The following SIPA1L2 variants were observed in gnomAD, a reference collection of about 807,000 sequenced individuals.
The protein encoded by SIPA1L2 is signal-induced proliferation-associated 1-like protein 2.
Under a neutral mutation model 163.9 loss-of-function variants are expected in SIPA1L2, and 56 were observed. The observed-to-expected ratio is 0.34, with a 90% CI of 0.28 to 0.43. The LOEUF is 0.43. SIPA1L2 is among the 20% of genes least tolerant of loss of function. The pLI is 1.00. For missense variants in SIPA1L2, 1,974 were observed against 2,193.5 expected, an observed-to-expected ratio of 0.90 and a Z score of 2.00; for synonymous variants, 877 against 865.7, an observed-to-expected ratio of 1.01 and a Z score of -0.23.
In SIPA1L2 at chr1:232,461,418, T is replaced by C. The variant is rs574070882; in HGVS notation, c.2821-257A>G. Among the ~76,000 whole-genome samples the C allele has an allele frequency of 9.9e-4, 151 of 152,362 alleles. 1 individual carries two copies. In the Middle Eastern group the frequency reaches 0.014, roughly 14 times the overall value. On this transcript the variant is annotated intron_variant, in intron 9 of 22. Coordinates refer to ENST00000674635, the MANE Select transcript of SIPA1L2 (RefSeq NM_020808.5). ...GCAAAGCAATGGTTTCATTCTTCAT[T>C]CTAAGTCATATCTGTTCTTGATACA...
Position 232,557,808 on chromosome 1 carries a change from C to T in SIPA1L2, c.-270+16366G>A, listed in dbSNP as rs147466226. Among the ~76,000 whole-genome samples the T allele has an allele frequency of 2.5e-3, 386 of 152,286 alleles. 3 individuals are homozygous for T. Among genetic ancestry groups the T allele is most frequent in the Non-Finnish European group, 4.4e-3 (301 of 68,018 alleles). On this transcript the variant is annotated intron_variant, in intron 2 of 22. Transcript: ENST00000674635. The stretch of plus-strand genomic sequence containing the variant: ...AACAAGATGCCTGGCACAGTGAAGA[C>T]ACAAAAGATTGTCAGCTAAATGAAA...
At chr1:232,449,240 C>T (rs549095709) in intron 10 of SIPA1L2, among the ~76,000 whole-genome samples, 16 of 152,140 alleles carry the variant, frequency 1.1e-4, no homozygotes, top group South Asian at 8.3e-4. Flanking sequence ...GAAAACTGGC[C>T]GGGCGCGGTG....
intron 1 of SIPA1L2, among the ~76,000 whole-genome samples, chr1:232,585,626 G>C (rs983528731): frequency 1.3e-5 from 2 of 152,124 alleles, no homozygotes; most frequent in African/African-American, 2.4e-5. Context: ...CATGTAAAAG[G>C]GTAAAGTAGA....
At chr1:232,578,359 G>A (rs1426464755) in intron 1 of SIPA1L2, among the ~76,000 whole-genome samples, 1 of 151,960 alleles carries the variant, frequency 6.6e-6, no homozygotes, top group African/African-American at 2.4e-5. Context: ...TGTACTGAAA[G>A]GCAACGTGCG....
chr1:232,543,944 A>G (rs964798112), intron 2 of SIPA1L2, among the ~76,000 whole-genome samples: 2 of 152,252 alleles, frequency 1.3e-5, no homozygotes, highest in African/African-American at 2.4e-5. Context: ...GTAAGCCATT[A>G]GTAAATTTTG....
At chr1:232,588,779 AAGCC>A (rs1173235321) in intron 1 of SIPA1L2, among the ~76,000 whole-genome samples, 2 of 152,250 alleles carry the variant, frequency 1.3e-5, no homozygotes, top group Admixed American at 6.5e-5. Context: ...GTCTTCTAAT[AAGCC>A]AGATATTAAA....
intron 1 of SIPA1L2, among the ~76,000 whole-genome samples, chr1:232,623,831 T>G (rs1231206543): frequency 6.6e-6 from 1 of 151,890 alleles, no homozygotes; most frequent in African/African-American, 2.4e-5. Flanking sequence ...GGAGTTTGTC[T>G]TCCGCTTGCC....
At chr1:232,462,532 G>A (rs970727732) in intron 9 of SIPA1L2, 12 of 452,740 alleles carry the variant, frequency 2.7e-5, no homozygotes, top group East Asian at 1.2e-4. Context: ...GACAGTTCAC[G>A]ACTCAGCAAA....
At chr1:232,560,913 A>G (rs1658998332) in intron 2 of SIPA1L2, among the ~76,000 whole-genome samples, 1 of 152,224 alleles carries the variant, frequency 6.6e-6, no homozygotes, top group East Asian at 1.9e-4. Flanking sequence ...GTAAATAAAA[A>G]CACTACAGTA....
chr1:232,574,053 T>TA (rs968449712), intron 2 of SIPA1L2, among the ~76,000 whole-genome samples, 121 bp downstream of exon 2: 1 of 151,944 alleles, frequency 6.6e-6, no homozygotes, highest in African/African-American at 2.4e-5. Flanking sequence ...AATAAAAACA[T>TA]ACACTCTATC....
At chr1:232,609,873 C>T (rs1662154501) in intron 1 of SIPA1L2, among the ~76,000 whole-genome samples, 2 of 150,506 alleles carry the variant, frequency 1.3e-5, no homozygotes, top group African/African-American at 4.9e-5. Flanking sequence ...AAAAAGGAAG[C>T]AAACTCAGTT....
chr1:232,445,879 A>C, intron 10 of SIPA1L2, 93 bp from the exon 11 acceptor site: 1 of 1,354,912 alleles, frequency 7.4e-7, no homozygotes, highest in Non-Finnish European at 1.0e-6. Context: ...CACACATCAC[A>C]TGGTGTGTGC....
chr1:232,574,734 C>A (rs1194496829), intron 1 of SIPA1L2, among the ~76,000 whole-genome samples: 1 of 152,108 alleles, frequency 6.6e-6, no homozygotes, highest in East Asian at 1.9e-4. Flanking sequence ...TCAAAGGAAT[C>A]CTAAAACCAA....
chr1:232,400,596 C>G lies in SIPA1L2; in HGVS notation c.5023-1323G>C, dbSNP rs200742047. ...AAAACGTGCCATTAGGTCATGAGAC[C>G]TGCTACCCCTCCTGGCTGCAATTAT... is the stretch of plus-strand genomic sequence containing the variant. On this transcript the variant is annotated intron_variant, in intron 22 of 22. Coordinates refer to ENST00000674635, the MANE Select transcript of SIPA1L2 (RefSeq NM_020808.5). Among the ~76,000 whole-genome samples the G allele has an allele frequency of 2.2e-4, 34 of 152,266 alleles. No individual in the cohort carries two copies. The East Asian group carries it at 5.2e-3, about 23-fold the overall frequency.
intron 1 of SIPA1L2, among the ~76,000 whole-genome samples, chr1:232,583,758 C>G (rs1426719601): frequency 6.6e-6 from 1 of 152,142 alleles, no homozygotes; most frequent in African/African-American, 2.4e-5. Flanking sequence ...TACAGGTGTC[C>G]ATGAAAGGTA....
At chr1:232,582,838 T>C (rs2102808244) in intron 1 of SIPA1L2, among the ~76,000 whole-genome samples, 1 of 152,332 alleles carries the variant, frequency 6.6e-6, no homozygotes, top group Non-Finnish European at 1.5e-5. Flanking sequence ...AATAATTAAG[T>C]TATTGTGATT....
intron 2 of SIPA1L2, among the ~76,000 whole-genome samples, chr1:232,538,296 G>A (rs1657433066): frequency 6.6e-6 from 1 of 152,136 alleles, no homozygotes; most frequent in Non-Finnish European, 1.5e-5. Context: ...AGAGAAGAGG[G>A]GGTATGGGGC....
rs1418268718 is a variant in SIPA1L2 at position 232,591,189 on chromosome 1, G to C, written c.-318-16967C>G. Among the ~76,000 whole-genome samples the C allele has an allele frequency of 2.0e-5, 3 of 152,218 alleles. 1 individual carries two copies. Among genetic ancestry groups the C allele is most frequent in the Admixed American group, 1.3e-4 (2 of 15,286 alleles). ...CAGCCAAAAAGCATTTAAATGGAAAGAGTTAGTTAAACAAAAATTAGTAAC... is the reference window on the plus strand; with the variant it reads ...CAGCCAAAAAGCATTTAAATGGAAACAGTTAGTTAAACAAAAATTAGTAAC... On this transcript the variant is annotated intron_variant, in intron 1 of 22. Transcript: ENST00000674635.
At chr1:232,577,744 G>T (rs1374228218) in intron 1 of SIPA1L2, among the ~76,000 whole-genome samples, 1 of 152,188 alleles carries the variant, frequency 6.6e-6, no homozygotes, top group African/African-American at 2.4e-5. Context: ...GGCGCCTAAA[G>T]ATCTGACTAA....
Sources: allele counts gnomAD v4.1 joint callset (sites outside exome capture counted in the v4.1 genomes callset), GRCh38; gene constraint gnomAD v4.1.1; transcripts MANE v1.5; gene names NCBI Gene and HGNC (gene_info 2026-07-23, HGNC 2026-07-21).